Variants in GPR141 observed in about 807,000 individuals in gnomAD.
GPR141 encodes G protein-coupled receptor 141.
A neutral mutation model predicts 6.8 loss-of-function variants in GPR141; 6 were observed. The observed-to-expected ratio is 0.88, with a 90% CI of 0.48 to 1.74. GPR141 has a LOEUF of 1.74. Ranked by LOEUF, GPR141 falls within the 40% of genes most tolerant of loss-of-function variation. The pLI is 0.01. For synonymous variants in GPR141, 140 were observed against 142.3 expected (o/e 0.98, Z 0.11); for missense variants, 372 against 372.9 (o/e 1.00, Z 0.02).
intron 2 of GPR141, among the ~76,000 whole-genome samples, chr7:37,718,658 C>T (rs1448634451): frequency 6.6e-6 from 1 of 152,184 alleles, no homozygotes; most frequent in Non-Finnish European, 1.5e-5. Context: ...TTGAGCTATC[C>T]TCATTTATGG....
rs745990029 is a variant in GPR141 at position 37,740,514 on chromosome 7, C to T, written c.121C>T (p.Leu41Phe). Reference protein sequence around the residue: ...GLVGVISILFLLVKMNTRSVT... With the variant: ...GLVGVISILFFLVKMNTRSVT... Reference sequence around the variant, plus strand: ...GGTGGGTGTCATTTCCATTCTTTTCCTCCTGGTGAAAATGAACACCCGGTC... The same window carrying T: ...GGTGGGTGTCATTTCCATTCTTTTCTTCCTGGTGAAAATGAACACCCGGTC... Residue 41 changes from leucine to phenylalanine, a missense_variant, in exon 3 of 3, where the codon CTC becomes TTC. Physicochemically the swap from Leu to Phe is conservative, Grantham distance 22. Transcript: ENST00000334425. 6.0e-5 allele frequency: 97 copies of T among 1,613,876 alleles called. No homozygotes were observed. Among genetic ancestry groups the T allele is most frequent in the Non-Finnish European group, 8.0e-5 (94 of 1,179,964 alleles).
intron 2 of GPR141, among the ~76,000 whole-genome samples, chr7:37,718,018 A>C (rs972004303): frequency 6.6e-6 from 1 of 152,074 alleles, no homozygotes; most frequent in Admixed American, 6.6e-5. Context: ...GAAAGTTAGA[A>C]TTGTTAAAAA....
At chr7:37,712,491 T>G (rs1240471180) in intron 2 of GPR141, among the ~76,000 whole-genome samples, 5 of 152,118 alleles carry the variant, frequency 3.3e-5, no homozygotes, top group Admixed American at 2.0e-4. Flanking sequence ...GGACTAATGA[T>G]GCTAGACTGA....
intron 2 of GPR141, among the ~76,000 whole-genome samples, chr7:37,716,625 C>A (rs1299532700): frequency 6.6e-6 from 1 of 152,088 alleles, no homozygotes; most frequent in Non-Finnish European, 1.5e-5. Flanking sequence ...TAAGTGTGGT[C>A]AAAAAATCAG....
intron 2 of GPR141, among the ~76,000 whole-genome samples, chr7:37,725,440 C>T (rs1811578441): frequency 6.6e-6 from 1 of 152,174 alleles, no homozygotes; most frequent in Non-Finnish European, 1.5e-5. Context: ...TGGTTCCTGG[C>T]ACGGCATCCT....
chr7:37,722,584 T>G (rs1811390003), intron 2 of GPR141, among the ~76,000 whole-genome samples: 1 of 151,998 alleles, frequency 6.6e-6, no homozygotes, highest in Admixed American at 6.6e-5. Context: ...TAGCTGAGCA[T>G]GGTTGCAGGT....
rs1810873965 is a variant in GPR141, at chr7:37,712,915, C to G, written c.-15+27332C>G. Among the ~76,000 whole-genome samples the G allele has an allele frequency of 3.9e-5, 6 of 152,302 alleles. No homozygotes were observed. In the South Asian group the frequency reaches 1.2e-3, roughly 32 times the overall value. ...GTCTGCTGACTCTAGCTGGGCTGTC[C>G]TGGATGATTTCACTTGCTTCATGTG... On this transcript the variant is annotated intron_variant, in intron 2 of 2. Coordinates refer to ENST00000334425, the MANE Select transcript of GPR141 (RefSeq NM_001381946.1).
At position 37,741,048 on chromosome 7, in the gene GPR141, C is replaced by G. The variant is rs767461242; in HGVS notation, c.655C>G (p.Gln219Glu). ...GCTACGCCACTCTTTACTATCCCAC[C>G]AGGAGTTCTGGGCTCAGCTGAAAAA... ...QKLRHSLLSHQEFWAQLKNLF... is the reference protein window; with the variant it reads ...QKLRHSLLSHEEFWAQLKNLF... The change falls in exon 3 of 3, where the codon CAG (glutamine) becomes GAG (glutamate). Residue 219 changes from glutamine (Q) to glutamate (E), a missense_variant. Coordinates refer to ENST00000334425, the MANE Select transcript of GPR141 (RefSeq NM_001381946.1). The G allele has an allele frequency of 2.5e-6, 4 of 1,614,130 alleles. No individual in the cohort carries two copies. Among genetic ancestry groups the G allele is most frequent in the Admixed American group, 3.3e-5 (2 of 60,024 alleles).
chr7:37,728,843 A>G (rs1051739326), intron 2 of GPR141, among the ~76,000 whole-genome samples: 3 of 152,156 alleles, frequency 2.0e-5, no homozygotes, highest in African/African-American at 7.2e-5. Context: ...TAGAGCTACA[A>G]ATACCAGCAA....
chr7:37,687,821 T>A (rs1353019630), intron 2 of GPR141, among the ~76,000 whole-genome samples: 1 of 152,128 alleles, frequency 6.6e-6, no homozygotes, highest in Non-Finnish European at 1.5e-5. Flanking sequence ...CTGGAAGGCT[T>A]TACTCCAAAA....
At chr7:37,699,590 T>C (rs1810188411) in intron 2 of GPR141, among the ~76,000 whole-genome samples, 1 of 152,094 alleles carries the variant, frequency 6.6e-6, no homozygotes, top group African/African-American at 2.4e-5. Flanking sequence ...ATAGGTGTAG[T>C]TATGCTCCAG....
intron 2 of GPR141, among the ~76,000 whole-genome samples, chr7:37,693,047 C>T (rs1235699992): frequency 1.3e-5 from 2 of 152,084 alleles, no homozygotes; most frequent in Non-Finnish European, 2.9e-5. Context: ...GTTGCCATTG[C>T]TTTTGGTGTT....
intron 2 of GPR141, among the ~76,000 whole-genome samples, chr7:37,704,100 A>C (rs558584833): frequency 1.3e-5 from 2 of 152,314 alleles, no homozygotes; most frequent in East Asian, 3.9e-4. Flanking sequence ...CTGATAGTAT[A>C]GATTCCTTTG....
Position 37,739,158 on chromosome 7 carries a change from T to C in GPR141, c.-14-1222T>C, listed in dbSNP as rs75653549. On this transcript the variant is annotated intron_variant, in intron 2 of 2. Transcript: ENST00000334425. ...TTGAGATTCATCAGTATTGTGTGTA[T>C]CAGAAGTTGGTTCATTTTATTGCTG... Among the ~76,000 whole-genome samples, 759 of 152,312 alleles carry C rather than the reference T, an allele frequency of 5.0e-3. 4 individuals are homozygous for C. The highest frequency in any genetic ancestry group is 0.018 in the African/African-American group (736 of 41,564).
rs199997620 is a variant in GPR141, at chr7:37,702,834, TA to T, written c.-15+17261del. Among the ~76,000 whole-genome samples, 719 of 138,200 alleles carry T rather than the reference TA, an allele frequency of 5.2e-3. 4 individuals are homozygous for T. The highest frequency in any genetic ancestry group is 0.043 in the East Asian group (196 of 4,590). The allele number at this position is 138,200 out of a possible 152,430, so 90.7% of individuals were successfully genotyped here. On this transcript the variant is annotated intron_variant, in intron 2 of 2. Coordinates refer to ENST00000334425, the MANE Select transcript of GPR141 (RefSeq NM_001381946.1). ...AAAAAAAAATAAATAAAATAAAAAT[TA>T]AAAAAAAAAGTCCCCCCAAAGTCAT...
intron 2 of GPR141, among the ~76,000 whole-genome samples, chr7:37,729,525 A>C (rs1346751154): frequency 1.3e-5 from 2 of 152,266 alleles, no homozygotes; most frequent in African/African-American, 2.4e-5. Flanking sequence ...CCACTATTTA[A>C]AAATTATATG....
At chr7:37,685,115 G>A (rs1293734514) in intron 1 of GPR141, 2 of 152,168 alleles carry the variant, frequency 1.3e-5, no homozygotes, top group African/African-American at 2.4e-5. Context: ...CTCACAGGCT[G>A]TATAAAAACA....
chr7:37,717,890 A>G (rs1030187546), intron 2 of GPR141, among the ~76,000 whole-genome samples: 6 of 152,320 alleles, frequency 3.9e-5, no homozygotes, highest in Non-Finnish European at 8.8e-5. Context: ...TACATTGCTC[A>G]TGAGTATAAT....
intron 2 of GPR141, among the ~76,000 whole-genome samples, chr7:37,700,808 A>G (rs1365720283): frequency 6.6e-6 from 1 of 152,212 alleles, no homozygotes; most frequent in Non-Finnish European, 1.5e-5. Flanking sequence ...CAAGTATATT[A>G]TATATGTAAG....
Sources: allele counts gnomAD v4.1 joint callset (sites outside exome capture counted in the v4.1 genomes callset), GRCh38; gene constraint gnomAD v4.1.1; transcripts MANE v1.5; gene names NCBI Gene and HGNC (gene_info 2026-07-23, HGNC 2026-07-21).